ATP8B4: variants seen among roughly 807,000 people sequenced by gnomAD.
ATP8B4 encodes probable phospholipid-transporting ATPase IM.
A neutral mutation model predicts 145.6 loss-of-function variants in ATP8B4; 133 were observed. The observed-to-expected ratio is 0.91, with a 90% CI of 0.79 to 1.05. ATP8B4 has a LOEUF of 1.05. Among genes scored for constraint, ATP8B4 ranks in the 50% least tolerant of loss-of-function variants. The pLI is 0.00. For synonymous variants in ATP8B4, 507 were observed against 492.9 expected, an observed-to-expected ratio of 1.03 and a Z score of -0.38; for missense variants, 1,458 against 1,425.2, an observed-to-expected ratio of 1.02 and a Z score of -0.37.
rs544680413 is a variant in ATP8B4, at chr15:49,886,214, G to C, written c.2698-6755C>G. On this transcript the variant is annotated intron_variant, in intron 23 of 27. Transcript: ENST00000284509. ...AATAAAAGGAAGCTGGTGTCTTAAG[G>C]GTAAGGGAGTCGGCAGACAGAACTG... is the stretch of plus-strand genomic sequence containing the variant. Among the ~76,000 whole-genome samples, 56 of 152,134 alleles carry C rather than the reference G, an allele frequency of 3.7e-4. 1 individual carries two copies. Among genetic ancestry groups the C allele is most frequent in the Non-Finnish European group, 5.3e-4 (36 of 68,036 alleles).
chr15:49,985,123 G>A, intron 10 of ATP8B4, among the ~76,000 whole-genome samples: 1 of 149,516 alleles, frequency 6.7e-6, no homozygotes, highest in African/African-American at 2.5e-5. Flanking sequence ...TTGAGATGGA[G>A]TCTCGTTCTG....
chr15:49,928,277 G>T (rs965041467), intron 16 of ATP8B4, among the ~76,000 whole-genome samples: 11 of 152,044 alleles, frequency 7.2e-5, no homozygotes, highest in African/African-American at 2.7e-4. Context: ...AATAGAAAAA[G>T]AATTGAAAAA....
chr15:49,888,868 G>A (rs1055249521), intron 23 of ATP8B4, among the ~76,000 whole-genome samples: 6 of 152,032 alleles, frequency 3.9e-5, no homozygotes, highest in East Asian at 1.9e-4. Context: ...GAGTTGGAGC[G>A]TTTGCCAGCA....
chr15:50,067,399 C>A (rs2053454746), intron 3 of ATP8B4, among the ~76,000 whole-genome samples: 1 of 152,132 alleles, frequency 6.6e-6, no homozygotes, highest in Non-Finnish European at 1.5e-5. Flanking sequence ...CTTCTCTTAG[C>A]CTGTAGTCTA....
At chr15:50,151,740 C>CAAAAAAA (rs58413585) in intron 1 of ATP8B4, among the ~76,000 whole-genome samples, 1 of 91,790 alleles carries the variant, frequency 1.1e-5, no homozygotes, top group African/African-American at 4.2e-5. Context: ...GAACCTGTCT[C>CAAAAAAA]AAAAAAAAAA....
chr15:50,048,573 T>C (rs2051911781), intron 3 of ATP8B4, among the ~76,000 whole-genome samples: 1 of 151,582 alleles, frequency 6.6e-6, no homozygotes, highest in African/African-American at 2.4e-5. Flanking sequence ...CCAGGCATGG[T>C]GGTGCACGCC....
At chr15:50,023,252 A>G (rs1164936543) in intron 6 of ATP8B4, among the ~76,000 whole-genome samples, 1 of 152,196 alleles carries the variant, frequency 6.6e-6, no homozygotes, top group Admixed American at 6.5e-5. Flanking sequence ...TCTCTTCTGA[A>G]TTCCTTTCTT....
chr15:49,861,444 GTCTGTCTGTCTA>G (rs1297605299), intron 27 of ATP8B4, among the ~76,000 whole-genome samples: 7 of 144,920 alleles, frequency 4.8e-5, no homozygotes, highest in African/African-American at 1.3e-4. Context: ...CTGTCTGTCT[GTCTGTCTGTCTA>G]TCTATCTATC....
chr15:49,931,359 T>C, intron 15 of ATP8B4, 52 bp from the exon 16 acceptor site: 1 of 1,539,962 alleles, frequency 6.5e-7, no homozygotes, highest in Non-Finnish European at 8.9e-7. Flanking sequence ...CTAACATTCA[T>C]AGAGTTCCAA....
At chr15:50,148,618 T>C (rs530550751) in intron 1 of ATP8B4, among the ~76,000 whole-genome samples, 1 of 152,300 alleles carries the variant, frequency 6.6e-6, no homozygotes, top group African/African-American at 2.4e-5. Context: ...AACCTGCTAA[T>C]GCAAAGGATC....
intron 2 of ATP8B4, among the ~76,000 whole-genome samples, chr15:50,079,437 C>T (rs2054402555): frequency 6.6e-6 from 1 of 152,066 alleles, no homozygotes; most frequent in African/African-American, 2.4e-5. Flanking sequence ...TTGTCTATTG[C>T]CATTTATTTT....
At chr15:49,990,323 T>C (rs2046953669) in intron 9 of ATP8B4, among the ~76,000 whole-genome samples, 1 of 152,148 alleles carries the variant, frequency 6.6e-6, no homozygotes, top group Admixed American at 6.6e-5. Context: ...GAGGAAACAG[T>C]TAAGGAAAAA....
intron 3 of ATP8B4, among the ~76,000 whole-genome samples, chr15:50,064,554 A>G (rs1020829206): frequency 7.2e-5 from 11 of 152,340 alleles, no homozygotes; most frequent in Non-Finnish European, 1.2e-4. Flanking sequence ...ATTGACAAAT[A>G]TATAGCCCAA....
chr15:50,173,919 A>G (rs931731812), intron 1 of ATP8B4, among the ~76,000 whole-genome samples: 4 of 152,168 alleles, frequency 2.6e-5, no homozygotes, highest in Non-Finnish European at 5.9e-5. Flanking sequence ...ACTAAATCCA[A>G]CAACATATCA....
At chr15:49,933,148 T>A (rs998712884) in intron 15 of ATP8B4, among the ~76,000 whole-genome samples, 1 of 151,510 alleles carries the variant, frequency 6.6e-6, no homozygotes, top group Non-Finnish European at 1.5e-5. Context: ...GTGAAAAGTA[T>A]ACAACAACAA....
intron 23 of ATP8B4, among the ~76,000 whole-genome samples, chr15:49,886,156 G>A (rs544146211): frequency 2.2e-4 from 34 of 152,272 alleles, no homozygotes; most frequent in East Asian, 3.9e-4. Flanking sequence ...TAACTCACCC[G>A]TGGGGCCCAA....
intron 8 of ATP8B4, among the ~76,000 whole-genome samples, chr15:49,997,590 AGG>A (rs2047530540): frequency 6.6e-6 from 1 of 152,134 alleles, no homozygotes; most frequent in African/African-American, 2.4e-5. Context: ...CTGCCCCAAG[AGG>A]ATGACAATCC....
At chr15:49,979,480 C>A in intron 12 of ATP8B4, 137 bp downstream of exon 12, 1 of 616,606 alleles carries the variant, frequency 1.6e-6, no homozygotes. Flanking sequence ...TAAGCTGTCC[C>A]ATTTGTAACA....
At chr15:49,891,563 C>A (rs1304281017) in intron 23 of ATP8B4, among the ~76,000 whole-genome samples, 1 of 152,070 alleles carries the variant, frequency 6.6e-6, no homozygotes, top group Non-Finnish European at 1.5e-5. Flanking sequence ...TGACCTCAAG[C>A]GATCTGCCCA....
Sources: allele counts gnomAD v4.1 joint callset (sites outside exome capture counted in the v4.1 genomes callset), GRCh38; gene constraint gnomAD v4.1.1; transcripts MANE v1.5; gene names NCBI Gene and HGNC (gene_info 2026-07-23, HGNC 2026-07-21).